SNX29: variants seen among roughly 807,000 people sequenced by gnomAD.
SNX29 encodes sorting nexin 29, also known as sorting nexin-29.
Under a neutral mutation model 102.1 loss-of-function variants are expected in SNX29, and 78 were observed. That is an observed-to-expected ratio of 0.76 (90% CI 0.64 to 0.92). The LOEUF is 0.92. Among genes scored for constraint, SNX29 ranks in the 40% least tolerant of loss-of-function variants. SNX29 has a pLI of 0.00. For missense variants in SNX29, 1,280 were observed against 1,061.7 expected (o/e 1.21, Z -2.86); for synonymous variants, 580 against 414.5 (o/e 1.40, Z -4.85).
At chr16:12,235,593 G>A (rs909293762) in intron 14 of SNX29, among the ~76,000 whole-genome samples, 2 of 151,980 alleles carry the variant, frequency 1.3e-5, no homozygotes, top group East Asian at 1.9e-4. Context: ...GCCTAACATT[G>A]GCATATTTTT....
rs562686228 is a variant in SNX29 at position 12,570,978 on chromosome 16, T to TCCC, written c.*2352_*2354dup. 5 of 231,822 alleles carry TCCC rather than the reference T, an allele frequency of 2.2e-5. No homozygotes were observed. The highest frequency in any genetic ancestry group is 4.3e-5 in the Non-Finnish European group (5 of 117,222). The allele number at this position is 231,822 out of a possible 1,614,324, so 14.4% of individuals were successfully genotyped here. A position where few individuals can be genotyped will look rare whatever the true frequency, so the allele number is the denominator to read the frequency against. The stretch of plus-strand genomic sequence containing the variant: ...TCCCCAGCTGCCTGCTCCTGGTACC[T>TCCC]CCCCCATGATCATGCACAGACCGTA... On this transcript the variant is annotated 3_prime_UTR_variant, in exon 21 of 21. Coordinates refer to ENST00000566228, the MANE Select transcript of SNX29 (RefSeq NM_032167.5).
chr16:12,146,349 C>T (rs4074264), intron 13 of SNX29, among the ~76,000 whole-genome samples: 34,389 of 151,858 alleles, frequency 0.23, 4,065 homozygotes, highest in Middle Eastern at 0.29. Context: ...CACTGCAACC[C>T]CCACCTTCCA....
intron 4 of SNX29, among the ~76,000 whole-genome samples, chr16:12,036,677 CTTTG>C (rs1335296060): frequency 6.6e-6 from 1 of 151,918 alleles, no homozygotes; most frequent in Non-Finnish European, 1.5e-5. Context: ...TTGAGCAATG[CTTTG>C]TTTGTTTTGG....
At chr16:12,359,982 C>T (rs2082256574) in intron 16 of SNX29, among the ~76,000 whole-genome samples, 1 of 152,156 alleles carries the variant, frequency 6.6e-6, no homozygotes, top group Non-Finnish European at 1.5e-5. Flanking sequence ...CACCATTATG[C>T]CTGGCTAATT....
intron 13 of SNX29, among the ~76,000 whole-genome samples, chr16:12,187,544 T>C (rs1350724773): frequency 3.3e-5 from 5 of 150,936 alleles, no homozygotes; most frequent in Non-Finnish European, 7.4e-5. Context: ...TGAGACTCTG[T>C]TTAAAAAAAA....
At chr16:12,199,850 G>A (rs774077617) in intron 14 of SNX29, among the ~76,000 whole-genome samples, 167 bp downstream of exon 14, 13 of 152,186 alleles carry the variant, frequency 8.5e-5, no homozygotes, top group African/African-American at 1.4e-4. Flanking sequence ...AACCTGATGC[G>A]TATCCCTGCA....
rs1343786816 is a variant in SNX29, at chr16:12,107,344, T to TG, written c.1403-19289_1403-19288insG. 2.1e-5 allele frequency among the ~76,000 whole-genome samples: 3 copies of TG among 144,854 alleles called. 1 individual carries two copies. Among genetic ancestry groups the TG allele is most frequent in the Non-Finnish European group, 4.7e-5 (3 of 63,812 alleles). On this transcript the variant is annotated intron_variant, in intron 11 of 20. Coordinates refer to ENST00000566228, the MANE Select transcript of SNX29 (RefSeq NM_032167.5). ...ACTGACCACAGCACTGTGGGTTTTT[T>TG]TTTTTTTTTTTTAAAACGTTTTTGC...
rs117804490 is a variant in SNX29 at position 12,185,035 on chromosome 16, C to T, written c.1596-14566C>T. ...GAACCATCAGCTGTCACAAGAAAGG[C>T]TGTTTGTATGAACCTGGACTTAGAA... On this transcript the variant is annotated intron_variant, in intron 13 of 20. Coordinates refer to ENST00000566228, the MANE Select transcript of SNX29 (RefSeq NM_032167.5). Among the ~76,000 whole-genome samples, 75 of 152,338 alleles carry T rather than the reference C, an allele frequency of 4.9e-4. No individual in the cohort carries two copies. In the East Asian group the frequency reaches 5.2e-3, roughly 11 times the overall value.
chr16:12,152,264 C>T (rs535078477), intron 13 of SNX29, among the ~76,000 whole-genome samples: 47 of 152,124 alleles, frequency 3.1e-4, no homozygotes, highest in African/African-American at 9.2e-4. Context: ...AGATTCACAT[C>T]GTAGAATCTT....
intron 1 of SNX29, among the ~76,000 whole-genome samples, chr16:11,983,908 C>G (rs2055492489): frequency 6.6e-6 from 1 of 151,978 alleles, no homozygotes. Context: ...AACACTGGTT[C>G]TCAGGAGAGA....
intron 15 of SNX29, among the ~76,000 whole-genome samples, chr16:12,319,495 A>G (rs1036774889): frequency 2.6e-5 from 4 of 152,188 alleles, no homozygotes; most frequent in African/African-American, 4.8e-5. Flanking sequence ...AGAAAAAATT[A>G]GGACTCCTAT....
intron 16 of SNX29, among the ~76,000 whole-genome samples, chr16:12,390,263 T>C (rs1218509057): frequency 6.6e-6 from 1 of 152,014 alleles, no homozygotes; most frequent in Non-Finnish European, 1.5e-5. Flanking sequence ...CCAGAGTGAC[T>C]GAAGTGTGAG....
At chr16:12,056,895 C>G (rs367749159) in intron 8 of SNX29, among the ~76,000 whole-genome samples, 82 of 152,106 alleles carry the variant, frequency 5.4e-4, no homozygotes, top group African/African-American at 1.7e-3. Flanking sequence ...CTGATCACAC[C>G]CTCAACTCAG....
chr16:12,241,794 C>A (rs7205734), intron 14 of SNX29, among the ~76,000 whole-genome samples: 1 of 152,174 alleles, frequency 6.6e-6, no homozygotes, highest in Admixed American at 6.5e-5. Flanking sequence ...CCATCTCTTT[C>A]TCTCAACACT....
intron 16 of SNX29, among the ~76,000 whole-genome samples, chr16:12,373,268 G>T (rs759130192): frequency 2.0e-5 from 3 of 152,202 alleles, no homozygotes; most frequent in Non-Finnish European, 4.4e-5. Context: ...GAGTAGCTGG[G>T]ATTACAGGCA....
chr16:12,307,099 GT>G (rs763443433), intron 15 of SNX29, among the ~76,000 whole-genome samples: 11 of 151,866 alleles, frequency 7.2e-5, no homozygotes, highest in Non-Finnish European at 1.3e-4. Context: ...TTCTTAAACA[GT>G]TTGTGAACAG....
At chr16:12,232,314 T>A (rs1340741966) in intron 14 of SNX29, among the ~76,000 whole-genome samples, 2 of 152,084 alleles carry the variant, frequency 1.3e-5, no homozygotes, top group African/African-American at 4.8e-5. Flanking sequence ...ATCACTTGAG[T>A]CCAGGAGTTC....
chr16:12,054,292 T>A (rs1775123526), intron 8 of SNX29, among the ~76,000 whole-genome samples: 1 of 152,244 alleles, frequency 6.6e-6, no homozygotes. Context: ...TTCATGTTTC[T>A]ACTTAATTAT....
At chr16:11,998,748 T>C (rs1246394900) in intron 1 of SNX29, among the ~76,000 whole-genome samples, 2 of 152,232 alleles carry the variant, frequency 1.3e-5, no homozygotes, top group African/African-American at 4.8e-5. Flanking sequence ...TTGGCCAGAC[T>C]GCTTAAGTTC....
Sources: gnomAD v4.1 joint callset for allele counts (sites outside exome capture counted in the v4.1 genomes callset) on GRCh38, gnomAD v4.1.1 for gene constraint, MANE v1.5 for transcripts, NCBI Gene and HGNC (gene_info 2026-07-23, HGNC 2026-07-21) for gene names.